Variants in GAB2 observed in about 807,000 individuals in gnomAD.
GAB2 encodes the protein GRB2 associated binding protein 2, also known as GRB2-associated-binding protein 2.
In GAB2, 26 loss-of-function variants were observed where a neutral mutation model predicts 65.5. That is an observed-to-expected ratio of 0.40 (90% CI 0.29 to 0.55). The LOEUF (loss-of-function observed/expected upper bound fraction) is 0.55, where lower values mean the gene tolerates loss of function less well. Among genes scored for constraint, GAB2 ranks in the 20% least tolerant of loss-of-function variants. GAB2 has a pLI of 0.53. For synonymous variants in GAB2, 321 were observed against 329.6 expected, an observed-to-expected ratio of 0.97 and a Z score of 0.28; for missense variants, 884 against 875.8, an observed-to-expected ratio of 1.01 and a Z score of -0.12.
chr11:78,400,654 G>T lies in GAB2; in HGVS notation c.75+16992C>A, dbSNP rs540844541. 5.9e-5 allele frequency among the ~76,000 whole-genome samples: 9 copies of T among 152,212 alleles called. No individual in the cohort carries two copies. The East Asian group carries it at 1.2e-3, about 20-fold the overall frequency. ...GCAGTGGCTCATGTCTGTAATCCCA[G>T]CACTTTGGGAGGCTGAGGCAGGTAG... is the stretch of plus-strand genomic sequence containing the variant. On this transcript the variant is annotated intron_variant, in intron 1 of 9. Coordinates refer to ENST00000361507, the MANE Select transcript of GAB2 (RefSeq NM_080491.3).
intron 1 of GAB2, among the ~76,000 whole-genome samples, chr11:78,404,974 T>C (rs1402392680): frequency 2.6e-5 from 4 of 152,128 alleles, no homozygotes; most frequent in African/African-American, 9.7e-5. Context: ...CATTATATGC[T>C]TGTATCAAAA....
chr11:78,268,313 C>T (rs1865920098), intron 2 of GAB2, among the ~76,000 whole-genome samples: 1 of 152,222 alleles, frequency 6.6e-6, no homozygotes, highest in African/African-American at 2.4e-5. Flanking sequence ...TTTCCCAGCA[C>T]AGATCCTAGA....
chr11:78,417,549 G>C (rs1302734119), intron 1 of GAB2, 97 bp downstream of exon 1: 5 of 325,890 alleles, frequency 1.5e-5, no homozygotes, highest in East Asian at 1.6e-4. Flanking sequence ...CTCCGGGCCC[G>C]AGCTCCCCAG....
intron 9 of GAB2, 89 bp from the exon 10 acceptor site, chr11:78,219,504 G>C (rs1864312109): frequency 1.7e-6 from 2 of 1,202,580 alleles, no homozygotes; most frequent in South Asian, 1.3e-5. Context: ...TTCCTGAGCT[G>C]TCTGAAGGGG....
At chr11:78,306,629 T>G (rs1565152248) in intron 1 of GAB2, among the ~76,000 whole-genome samples, 1 of 152,244 alleles carries the variant, frequency 6.6e-6, no homozygotes, top group Non-Finnish European at 1.5e-5. Context: ...CAATCCTTGG[T>G]TTATAAAGCT....
At chr11:78,294,905 A>C (rs1359059639) in intron 1 of GAB2, among the ~76,000 whole-genome samples, 5 of 152,188 alleles carry the variant, frequency 3.3e-5, no homozygotes, top group Admixed American at 1.3e-4. Context: ...TAATTAAACT[A>C]AAGAGCTTCT....
At chr11:78,379,677 T>C (rs1309551022) in intron 1 of GAB2, among the ~76,000 whole-genome samples, 1 of 152,250 alleles carries the variant, frequency 6.6e-6, no homozygotes, top group African/African-American at 2.4e-5. Context: ...ACAGTTAAGC[T>C]GCAGTCAGGA....
At chr11:78,254,212 G>GT (rs1865533827) in intron 2 of GAB2, among the ~76,000 whole-genome samples, 1 of 152,150 alleles carries the variant, frequency 6.6e-6, no homozygotes, top group African/African-American at 2.4e-5. Context: ...AATGTCATAG[G>GT]TACATGGAAC....
rs1469032752 is a variant in GAB2, at chr11:78,226,780, G to A, written c.892C>T (p.Pro298Ser). ...DNEDVYTFKT[P>S]SNTLCREFGD... is the part of the protein sequence containing the mutation. ...AACTCCCTGCACAGGGTGTTGCTGG[G>A]CGTCTTGAAGGTGTACACATCCTCA... Residue 298 changes from proline to serine, a missense_variant, in exon 4 of 10, where the codon CCC becomes TCC. Physicochemically the swap from Pro to Ser is moderately conservative, Grantham distance 74. Transcript: ENST00000361507. 1.2e-6 allele frequency: 2 copies of A among 1,614,022 alleles called. No homozygotes were observed. The highest frequency in any genetic ancestry group is 1.7e-6 in the Non-Finnish European group (2 of 1,179,994).
intron 1 of GAB2, among the ~76,000 whole-genome samples, chr11:78,383,579 T>A (rs1439681435): frequency 1.4e-5 from 1 of 70,936 alleles, no homozygotes; most frequent in East Asian, 6.8e-4. Context: ...ACCCTGTCTC[T>A]CCAAAAAAAA....
At chr11:78,403,673 C>T (rs553139803) in intron 1 of GAB2, among the ~76,000 whole-genome samples, 2 of 152,280 alleles carry the variant, frequency 1.3e-5, no homozygotes, top group East Asian at 3.9e-4. Context: ...GGACATTGGT[C>T]TGGGCAAAGA....
At chr11:78,379,798 T>C (rs1856675228) in intron 1 of GAB2, among the ~76,000 whole-genome samples, 1 of 152,066 alleles carries the variant, frequency 6.6e-6, no homozygotes, top group Non-Finnish European at 1.5e-5. Flanking sequence ...AGGAGAAACA[T>C]GAATTTCAGT....
In GAB2 at chr11:78,333,136, C is replaced by T. The variant is rs75508471; in HGVS notation, c.76-52235G>A. 1.1e-3 allele frequency among the ~76,000 whole-genome samples: 171 copies of T among 152,250 alleles called. 2 individuals carry two copies. The East Asian group carries it at 0.024, about 21-fold the overall frequency. On this transcript the variant is annotated intron_variant, in intron 1 of 9. Coordinates refer to ENST00000361507, the MANE Select transcript of GAB2 (RefSeq NM_080491.3). ...GATCCAGTGCTTTACAGTCTTCACCCGGAAATACTGGGCTCCAATTACAAA... is the reference window on the plus strand; with the variant it reads ...GATCCAGTGCTTTACAGTCTTCACCTGGAAATACTGGGCTCCAATTACAAA...
intron 3 of GAB2, among the ~76,000 whole-genome samples, chr11:78,234,201 G>T (rs539792334): frequency 2.6e-5 from 4 of 152,140 alleles, no homozygotes; most frequent in South Asian, 4.1e-4. Flanking sequence ...TCCCACCACA[G>T]CCTGCTGAGT....
chr11:78,310,889 G>C (rs991787877), intron 1 of GAB2, among the ~76,000 whole-genome samples: 8 of 152,034 alleles, frequency 5.3e-5, no homozygotes, highest in Non-Finnish European at 8.8e-5. Flanking sequence ...AAAATAAGAA[G>C]ACCCATTAGG....
At chr11:78,381,567 T>TA (rs1311446077) in intron 1 of GAB2, among the ~76,000 whole-genome samples, 3 of 152,058 alleles carry the variant, frequency 2.0e-5, no homozygotes, top group African/African-American at 4.8e-5. Context: ...GCTAGACTGG[T>TA]AAAAAAGGTT....
intron 2 of GAB2, among the ~76,000 whole-genome samples, chr11:78,266,214 CAAAAA>C (rs11445907): frequency 3.1e-5 from 2 of 65,040 alleles, no homozygotes; most frequent in South Asian, 9.5e-4. Flanking sequence ...GACTCCATCT[CAAAAA>C]AAAAAAAAAA....
At chr11:78,225,261 C>G (rs1430347693) in intron 4 of GAB2, 59 bp from the exon 5 acceptor site, 3 of 1,119,822 alleles carry the variant, frequency 2.7e-6, no homozygotes, top group Non-Finnish European at 4.1e-6. Flanking sequence ...TGACACTTAC[C>G]CATACCCTCA....
intron 1 of GAB2, among the ~76,000 whole-genome samples, chr11:78,382,195 T>C (rs143872613): frequency 1.3e-5 from 2 of 152,250 alleles, no homozygotes; most frequent in African/African-American, 4.8e-5. Flanking sequence ...ACTTTGTTTA[T>C]GTCGGAATTG....
Sources: gnomAD v4.1 joint callset for allele counts (sites outside exome capture counted in the v4.1 genomes callset) on GRCh38, gnomAD v4.1.1 for gene constraint, MANE v1.5 for transcripts, NCBI Gene and HGNC (gene_info 2026-07-23, HGNC 2026-07-21) for gene names.